The following ACTN4 variants were observed in gnomAD, a reference collection of about 807,000 sequenced individuals.
The protein encoded by ACTN4 is alpha-actinin-4.
A neutral mutation model predicts 114.2 loss-of-function variants in ACTN4; 18 were observed. That is an observed-to-expected ratio of 0.16 (90% CI 0.11 to 0.23). The LOEUF (loss-of-function observed/expected upper bound fraction) is 0.23. ACTN4 is among the 10% of genes least tolerant of loss of function. The pLI, the probability that ACTN4 is intolerant of heterozygous loss-of-function variation, is 1.00. For missense variants in ACTN4, 722 were observed against 1,262.9 expected, an observed-to-expected ratio of 0.57 and a Z score of 6.49; for synonymous variants, 515 against 506.3, an observed-to-expected ratio of 1.02 and a Z score of -0.23.
intron 6 of ACTN4, 85 bp from the exon 7 acceptor site, chr19:38,709,310 C>T: frequency 3.8e-6 from 4 of 1,045,744 alleles, no homozygotes; most frequent in Non-Finnish European, 4.5e-6. Context: ...TCCCGGGTCT[C>T]TCCCTCTGGG....
chr19:38,729,508 ACT>A lies in ACTN4; in HGVS notation c.*79_*80del, dbSNP rs1568754620. 1 of 1,232,952 alleles carries A rather than the reference ACT, an allele frequency of 8.1e-7. No homozygotes were observed. The highest frequency in any genetic ancestry group is 1.1e-6 in the Non-Finnish European group (1 of 934,978). 76.4% of individuals were successfully genotyped at this position (1,232,952 alleles called of 1,614,324 possible). A position where few individuals can be genotyped will look rare whatever the true frequency, so the allele number is the denominator to read the frequency against. On this transcript the variant is annotated 3_prime_UTR_variant, in exon 21 of 21. Coordinates refer to ENST00000252699, the MANE Select transcript of ACTN4 (RefSeq NM_004924.6). ...GGCAGCCCCACAGTCCCATTCCTCC[ACT>A]CTGTATCTATGCAAAGCACTCTCTG... is the stretch of plus-strand genomic sequence containing the variant.
In ACTN4 at chr19:38,705,155, G is replaced by A. The variant is rs141476190; in HGVS notation, c.484+135G>A. Reference sequence around the variant, plus strand: ...CTCACAGGGCCTGGCCCTTGCAGGGGTAGTCAGTGGGTGGCAGGTGAAGGG... The same window carrying A: ...CTCACAGGGCCTGGCCCTTGCAGGGATAGTCAGTGGGTGGCAGGTGAAGGG... On this transcript the variant is annotated intron_variant, in intron 4 of 20. Coordinates refer to ENST00000252699, the MANE Select transcript of ACTN4 (RefSeq NM_004924.6). 0.017 allele frequency: 13,984 copies of A among 841,542 alleles called. 179 individuals are homozygous for A. Among genetic ancestry groups the A allele is most frequent in the Non-Finnish European group, 0.023 (11,606 of 502,468 alleles). 52.1% of individuals were successfully genotyped at this position (841,542 alleles called of 1,614,324 possible).
intron 11 of ACTN4, among the ~76,000 whole-genome samples, chr19:38,718,537 A>G (rs1968923993): frequency 6.6e-6 from 1 of 151,670 alleles, no homozygotes; most frequent in Non-Finnish European, 1.5e-5. Context: ...CCCTGTCTCA[A>G]AAAAAAAGGA....
intron 1 of ACTN4, among the ~76,000 whole-genome samples, chr19:38,695,476 G>A (rs974268002): frequency 2.0e-5 from 3 of 152,298 alleles, no homozygotes; most frequent in African/African-American, 7.2e-5. Flanking sequence ...TGCCGGCAGG[G>A]CACCTCTGCC....
rs79072548 is a variant in ACTN4, at chr19:38,730,543, T to G, written c.*1111T>G. 0.025 allele frequency: 11,290 copies of G among 452,326 alleles called. 566 individuals carry two copies. Among genetic ancestry groups the G allele is most frequent in the South Asian group, 0.12 (3,357 of 27,224 alleles). 28.0% of individuals were successfully genotyped at this position (452,326 alleles called of 1,614,324 possible). ...ATTTTTAAGAAGGATTCCTGCAGCA[T>G]CATCTTTTTTTATTTCTCCTGTGTC... On this transcript the variant is annotated 3_prime_UTR_variant, in exon 21 of 21. Transcript: ENST00000252699.
chr19:38,718,269 G>T, intron 11 of ACTN4, 195 bp downstream of exon 11: 1 of 975,158 alleles, frequency 1.0e-6, no homozygotes, highest in Non-Finnish European at 1.6e-6. Context: ...GCTCACACCT[G>T]TAATCCCAGC....
chr19:38,712,389 A>G (rs1968685665), intron 8 of ACTN4, among the ~76,000 whole-genome samples: 1 of 151,850 alleles, frequency 6.6e-6, no homozygotes, highest in African/African-American at 2.4e-5. Context: ...CAGCTTCCCC[A>G]CCTGTGAAAT....
chr19:38,705,088 T>C (rs1968412502), intron 4 of ACTN4, 68 bp downstream of exon 4: 1 of 1,389,282 alleles, frequency 7.2e-7, no homozygotes, highest in African/African-American at 1.4e-5. Flanking sequence ...AGCTGAAGTG[T>C]GATCTTCATG....
chr19:38,714,672 C>A, intron 9 of ACTN4, 111 bp downstream of exon 9: 1 of 1,131,628 alleles, frequency 8.8e-7, no homozygotes, highest in Non-Finnish European at 1.3e-6. Context: ...CTAGAAAAGG[C>A]TGCGTGGTCA....
intron 7 of ACTN4, 129 bp from the exon 8 acceptor site, chr19:38,710,128 C>T: frequency 1.1e-6 from 1 of 946,448 alleles, no homozygotes; most frequent in Admixed American, 1.7e-5. Context: ...TGAGCCCACC[C>T]AAGTCACGCG....
chr19:38,702,326 T>C (rs903226521), intron 3 of ACTN4, among the ~76,000 whole-genome samples: 1 of 152,214 alleles, frequency 6.6e-6, no homozygotes, highest in Non-Finnish European at 1.5e-5. Flanking sequence ...GAGGCGTTCC[T>C]GGGGCTCAAG....
At chr19:38,663,958 C>T (rs1321405386) in intron 1 of ACTN4, among the ~76,000 whole-genome samples, 3 of 152,202 alleles carry the variant, frequency 2.0e-5, no homozygotes, top group Non-Finnish European at 4.4e-5. Context: ...GGAGAGACTC[C>T]CTTCTCATGT....
chr19:38,697,201 G>A (rs1241244199), intron 1 of ACTN4, among the ~76,000 whole-genome samples: 1 of 152,214 alleles, frequency 6.6e-6, no homozygotes, highest in African/African-American at 2.4e-5. Flanking sequence ...GAGGACAGGT[G>A]GCCAGAACCC....
In ACTN4 at chr19:38,701,060, G is replaced by A. The variant is rs1290861994; in HGVS notation, c.336G>A (p.Val112=). ...TGAGAGTGCACAAAATCAACAATGT[G>A]AACAAAGCGCTGGACTTTATTGCCA... is the stretch of plus-strand genomic sequence containing the variant. ...GKMRVHKINN[V]NKALDFIASK... Residue 112 remains valine, a synonymous_variant, in exon 3 of 21, where the codon GTG becomes GTA. Coordinates refer to ENST00000252699, the MANE Select transcript of ACTN4 (RefSeq NM_004924.6). 2 of 1,614,012 alleles carry A rather than the reference G, an allele frequency of 1.2e-6. No homozygotes were observed. The highest frequency in any genetic ancestry group is 2.7e-5 in the African/African-American group (2 of 74,922).
chr19:38,693,900 A>C (rs1260909084), intron 1 of ACTN4, among the ~76,000 whole-genome samples: 1 of 152,094 alleles, frequency 6.6e-6, no homozygotes, highest in Admixed American at 6.5e-5. Context: ...ATCCCAACTC[A>C]ACTGACAAGC....
At chr19:38,650,694 A>G (rs762905075) in intron 1 of ACTN4, among the ~76,000 whole-genome samples, 10 of 152,126 alleles carry the variant, frequency 6.6e-5, no homozygotes, top group Non-Finnish European at 1.5e-4. Context: ...GTGGCTCTCT[A>G]CCTTCCTACT....
chr19:38,717,422 CTGTGG>C lies in ACTN4; in HGVS notation c.1143+107_1143+111del. 6.9e-7 allele frequency: 1 copy of C among 1,439,298 alleles called. No homozygotes were observed. The allele number at this position is 1,439,298 out of a possible 1,614,324, so 89.2% of individuals were successfully genotyped here. A position where few individuals can be genotyped will look rare whatever the true frequency, so the allele number is the denominator to read the frequency against. ...TAATCTTTCCTAAGTTGTTGATGTC[CTGTGG>C]GACATGGCATGGCCTTTCGGATGCA... On this transcript the variant is annotated intron_variant, in intron 10 of 20. Coordinates refer to ENST00000252699, the MANE Select transcript of ACTN4 (RefSeq NM_004924.6). The surrounding 1 kb of genome is among the most constrained non-coding windows in gnomAD (Gnocchi z 4.0).
chr19:38,694,651 C>T (rs1032310802), intron 1 of ACTN4, among the ~76,000 whole-genome samples: 5 of 152,138 alleles, frequency 3.3e-5, no homozygotes, highest in African/African-American at 7.2e-5. Context: ...TGAATGCCCA[C>T]CCCGTGTTTG....
At chr19:38,671,427 A>T (rs1967124857) in intron 1 of ACTN4, among the ~76,000 whole-genome samples, 1 of 152,240 alleles carries the variant, frequency 6.6e-6, no homozygotes, top group African/African-American at 2.4e-5. Flanking sequence ...ATGAACTGCC[A>T]GTTCAGAATT....
Sources: gnomAD v4.1 joint callset for allele counts (sites outside exome capture counted in the v4.1 genomes callset) on GRCh38, gnomAD v4.1.1 for gene constraint, Gnocchi (gnomAD v3.1) non-coding constraint, MANE v1.5 for transcripts, NCBI Gene and HGNC (gene_info 2026-07-23, HGNC 2026-07-21) for gene names.